Variants in RGS8 observed in about 807,000 individuals in gnomAD.
RGS8 encodes the protein regulator of G protein signaling 8.
Under a neutral mutation model 21.7 loss-of-function variants are expected in RGS8, and 8 were observed. The ratio of observed to expected loss-of-function variants is 0.37; its 90% CI spans 0.22 to 0.66. The LOEUF (loss-of-function observed/expected upper bound fraction) is 0.66, where lower values mean the gene tolerates loss of function less well. Ranked by LOEUF, RGS8 falls within the 30% of genes least tolerant of loss-of-function variation. RGS8 has a pLI of 0.59. For synonymous variants in RGS8, 80 were observed against 83.6 expected (o/e 0.96, Z 0.24); for missense variants, 157 against 217.9 (o/e 0.72, Z 1.76).
At chr1:182,727,806 A>G in the RGS8 span, among the ~76,000 whole-genome samples, 1 of 152,148 alleles carries the variant, frequency 6.6e-6, no homozygotes, top group East Asian at 1.9e-4. Context: ...TTCCCTATTT[A>G]TTATTCAAAA....
chr1:182,643,648 C>T (rs1183661128), downstream of RGS8: 2 of 152,136 alleles, frequency 1.3e-5, no homozygotes, highest in African/African-American at 4.8e-5. Flanking sequence ...TGGGTGTGCA[C>T]CTGGGAATTA....
chr1:182,740,981 G>A, the RGS8 span, among the ~76,000 whole-genome samples: 4 of 152,018 alleles, frequency 2.6e-5, no homozygotes, highest in Admixed American at 6.6e-5. Context: ...GCAACCATCC[G>A]ATTTCTCAAT....
chr1:182,721,048 T>A, the RGS8 span, among the ~76,000 whole-genome samples: 2 of 70,754 alleles, frequency 2.8e-5, 1 homozygote, highest in Non-Finnish European at 5.7e-5. Context: ...TACATATACA[T>A]ACATATATAT....
At chr1:182,693,048 C>T in the RGS8 span, among the ~76,000 whole-genome samples, 5 of 152,194 alleles carry the variant, frequency 3.3e-5, no homozygotes, top group Non-Finnish European at 7.4e-5. Flanking sequence ...TAGGAAATAT[C>T]ATTCTGGGCA....
At chr1:182,722,442 G>A in the RGS8 span, among the ~76,000 whole-genome samples, 1 of 149,870 alleles carries the variant, frequency 6.7e-6, no homozygotes, top group Admixed American at 6.6e-5. Flanking sequence ...GAGACCAGAA[G>A]CCTGCAACCA....
At chr1:182,659,821 A>G (rs931516685) in intron 5 of RGS8, among the ~76,000 whole-genome samples, 3 of 152,194 alleles carry the variant, frequency 2.0e-5, no homozygotes, top group Non-Finnish European at 4.4e-5. Context: ...GACTCACAAA[A>G]AAAAAAGGGA....
chr1:182,723,236 A>G, the RGS8 span, among the ~76,000 whole-genome samples: 1 of 152,320 alleles, frequency 6.6e-6, no homozygotes, highest in South Asian at 2.1e-4. Flanking sequence ...GAATCCAGGA[A>G]TGGCTTAGCA....
the RGS8 span, among the ~76,000 whole-genome samples, chr1:182,721,059 G>A: frequency 3.1e-4 from 31 of 100,262 alleles, 3 homozygotes; most frequent in South Asian, 6.0e-4. Flanking sequence ...ACATATATAT[G>A]TGTGTATATA....
At chr1:182,675,647 C>A (rs1160192822), upstream of RGS8, among the ~76,000 whole-genome samples, 1 of 152,138 alleles carries the variant, frequency 6.6e-6, no homozygotes, top group African/African-American at 2.4e-5. Flanking sequence ...ATGTCCCCAC[C>A]CTTGATCTGC....
chr1:182,686,374 C>G (rs1664709153), upstream of RGS8, among the ~76,000 whole-genome samples: 1 of 151,688 alleles, frequency 6.6e-6, no homozygotes, highest in African/African-American at 2.4e-5. Flanking sequence ...GGATTGGAGG[C>G]AAGTAAAGCC....
intron 5 of RGS8, among the ~76,000 whole-genome samples, chr1:182,650,730 A>G (rs537736139): frequency 6.6e-6 from 1 of 152,314 alleles, no homozygotes; most frequent in Non-Finnish European, 1.5e-5. Flanking sequence ...CTGTGGTGGC[A>G]TGTGTCCAGC....
rs146159901 is a variant in RGS8 at position 182,662,934 on chromosome 1, T to TC, written c.193+3034dup. On this transcript the variant is annotated intron_variant, in intron 5 of 6. Transcript: ENST00000483095. The stretch of plus-strand genomic sequence containing the variant: ...CAACGGAACAGGGATGGCAAAGATG[T>TC]CCTGTAGATTGAGAATGGGGAGGGG... Among the ~76,000 whole-genome samples the TC allele has an allele frequency of 4.1e-3, 614 of 150,844 alleles. 5 individuals are homozygous for TC. Among genetic ancestry groups the TC allele is most frequent in the African/African-American group, 0.014 (576 of 40,312 alleles).
At chr1:182,724,810 G>A in the RGS8 span, among the ~76,000 whole-genome samples, 3 of 152,014 alleles carry the variant, frequency 2.0e-5, no homozygotes, top group Non-Finnish European at 2.9e-5. Flanking sequence ...AACCCGCCTC[G>A]GCCTCCCAAA....
intron 1 of RGS8, among the ~76,000 whole-genome samples, chr1:182,683,173 C>T (rs956572489): frequency 1.3e-5 from 2 of 152,216 alleles, no homozygotes; most frequent in Admixed American, 6.5e-5. Context: ...CTAACACACA[C>T]TTCTTTCAGG....
chr1:182,715,562 C>G, the RGS8 span, among the ~76,000 whole-genome samples: 1 of 152,200 alleles, frequency 6.6e-6, no homozygotes, highest in Non-Finnish European at 1.5e-5. Context: ...CCAGCATCAC[C>G]CAGATTGTGG....
chr1:182,732,897 G>A, the RGS8 span, among the ~76,000 whole-genome samples: 112 of 152,306 alleles, frequency 7.4e-4, 1 homozygote, highest in African/African-American at 2.5e-3. Flanking sequence ...TAGAGTCCAG[G>A]CTAGCCAGCC....
chr1:182,748,470 G>T, the RGS8 span, among the ~76,000 whole-genome samples: 1 of 152,160 alleles, frequency 6.6e-6, no homozygotes, highest in Non-Finnish European at 1.5e-5. Flanking sequence ...ATATCCCATT[G>T]TGTATATACA....
At chr1:182,678,224 T>C (rs1003936331) in intron 1 of RGS8, among the ~76,000 whole-genome samples, 3 of 152,150 alleles carry the variant, frequency 2.0e-5, no homozygotes, top group African/African-American at 7.2e-5. Flanking sequence ...GGAAGCTGGG[T>C]GGTAGGTACG....
chr1:182,673,858 T>C (rs113386955), upstream of RGS8, among the ~76,000 whole-genome samples: 3 of 152,328 alleles, frequency 2.0e-5, no homozygotes, highest in Non-Finnish European at 1.5e-5. Flanking sequence ...ATTCAAGATA[T>C]GTTTATAGAA....
Sources: allele counts gnomAD v4.1 joint callset (sites outside exome capture counted in the v4.1 genomes callset), GRCh38; gene constraint gnomAD v4.1.1; transcripts MANE v1.5; gene names NCBI Gene and HGNC (gene_info 2026-07-23, HGNC 2026-07-21).